Variants in RPL36A observed in about 807,000 individuals in gnomAD.
The protein encoded by RPL36A is large ribosomal subunit protein eL42.
For missense variants in RPL36A, 20 were observed against 81.0 expected, an observed-to-expected ratio of 0.25 and a Z score of 2.89; for synonymous variants, 25 against 28.5, an observed-to-expected ratio of 0.88 and a Z score of 0.39.
chrX:101,394,724 A>T (rs1246501210), intron 3 of RPL36A, among the ~76,000 whole-genome samples: 2 of 100,191 alleles, frequency 2.0e-5, no homozygotes, highest in African/African-American at 7.2e-5. Flanking sequence ...ATATATTTAT[A>T]TATTATATAT....
intron 1 of RPL36A, 149 bp from the exon 2 acceptor site, chrX:101,391,310 T>C (rs1244963998): frequency 4.2e-6 from 3 of 717,186 alleles, no homozygotes; most frequent in Non-Finnish European, 4.2e-6. Context: ...AAGCTCTGCT[T>C]GAAGCACATG....
intron 2 of RPL36A, 25 bp from the exon 3 acceptor site, chrX:101,391,730 A>G: frequency 8.3e-7 from 1 of 1,210,060 alleles, no homozygotes; most frequent in Non-Finnish European, 1.1e-6. Context: ...AGTATTTTAT[A>G]ACAAATACCA....
chrX:101,391,625 G>A (rs139329988), intron 2 of RPL36A, 61 bp downstream of exon 2: 3 of 1,192,126 alleles, frequency 2.5e-6, no homozygotes, highest in Admixed American at 2.2e-5. Context: ...AATAACATAC[G>A]AGTCCGGGTC....
In RPL36A at chrX:101,392,683, A is replaced by G. The variant is rs782554756; in HGVS notation, c.177+861A>G. The G allele has an allele frequency of 1.1e-5, 8 of 697,883 alleles. No individual in the cohort carries two copies. The East Asian group carries it at 7.8e-4, about 68-fold the overall frequency. 57.5% of individuals were successfully genotyped at this position (697,883 alleles called of 1,213,427 possible). On this transcript the variant is annotated intron_variant, in intron 3 of 4. Transcript: ENST00000553110. ...AAAAGTTGAGCTACCATATGATCCA[A>G]CAATCCCACTGCTGGGTATATACCC...
intron 3 of RPL36A, chrX:101,392,720 G>A: frequency 5.4e-6 from 3 of 559,377 alleles, no homozygotes; most frequent in Non-Finnish European, 6.5e-6. Context: ...GAAGAAAATC[G>A]GTATATCAAA....
chrX:101,393,884 A>T (rs1927918331), intron 3 of RPL36A: 2 of 112,084 alleles, frequency 1.8e-5, no homozygotes, highest in Admixed American at 9.5e-5. Context: ...AAAAGTATGG[A>T]CTTGAGTTAA....
In RPL36A at chrX:101,395,921, G is replaced by A; in HGVS notation, c.*173G>A. On this transcript the variant is annotated 3_prime_UTR_variant, in exon 5 of 5. Transcript: ENST00000553110. ...TTTTGCATTGAAGCTGACTGGTTGA[G>A]TTCACATCATATGTTGCAATTTTCT... The A allele has an allele frequency of 4.4e-6, 2 of 451,716 alleles. No individual in the cohort carries two copies. 37.2% of individuals were successfully genotyped at this position (451,716 alleles called of 1,213,427 possible).
rs1423732776 is a variant in RPL36A, at chrX:101,391,022, C to T, written c.-22C>T. Reference sequence around the variant, plus strand: ...TTGCCTCGCGGTTTCTTTCTTTCCGCGCCGATAGCGCTCACGCAAGCATGG... The same window carrying T: ...TTGCCTCGCGGTTTCTTTCTTTCCGTGCCGATAGCGCTCACGCAAGCATGG... On this transcript the variant is annotated 5_prime_UTR_variant, in exon 1 of 5. Coordinates refer to ENST00000553110, the MANE Select transcript of RPL36A (RefSeq NM_021029.6). 7.4e-6 allele frequency: 9 copies of T among 1,210,924 alleles called. No individual in the cohort carries two copies. The highest frequency in any genetic ancestry group is 4.6e-4 in the Middle Eastern group (2 of 4,375).
chrX:101,393,812 G>A (rs1276160810), intron 3 of RPL36A: 1 of 111,454 alleles, frequency 9.0e-6, no homozygotes, highest in African/African-American at 3.3e-5. Context: ...AATGTTAGGT[G>A]GTGTCCTGCG....
intron 2 of RPL36A, 85 bp from the exon 3 acceptor site, chrX:101,391,670 T>C: frequency 8.4e-7 from 1 of 1,197,601 alleles, no homozygotes. Context: ...GCGTTAATAT[T>C]TCTGCTGCGA....
At chrX:101,392,402 CA>C in intron 3 of RPL36A, 1 of 795,714 alleles carries the variant, frequency 1.3e-6, no homozygotes, top group South Asian at 5.2e-5. Context: ...TCCAACACAG[CA>C]TTTCTTTTGG....
rs1412108512 is a variant in RPL36A at position 101,391,019 on chromosome X, C to T, written c.-25C>T. The T allele has an allele frequency of 1.7e-5, 21 of 1,210,945 alleles. No homozygotes were observed. Among genetic ancestry groups the T allele is most frequent in the Non-Finnish European group, 2.2e-5 (20 of 895,463 alleles). Reference sequence around the variant, plus strand: ...CGTTTGCCTCGCGGTTTCTTTCTTTCCGCGCCGATAGCGCTCACGCAAGCA... The same window carrying T: ...CGTTTGCCTCGCGGTTTCTTTCTTTTCGCGCCGATAGCGCTCACGCAAGCA... On this transcript the variant is annotated 5_prime_UTR_variant, in exon 1 of 5. Transcript: ENST00000553110.
chrX:101,393,105 C>T (rs1927880301), intron 3 of RPL36A: 1 of 63,623 alleles, frequency 1.6e-5, no homozygotes, highest in Non-Finnish European at 3.0e-5. Flanking sequence ...CAGAGCAAGA[C>T]TCCATCTCAA....
At chrX:101,392,309 C>T (rs1431288787) in intron 3 of RPL36A, 5 of 863,009 alleles carry the variant, frequency 5.8e-6, no homozygotes, top group East Asian at 8.7e-5. Context: ...TCAGGCTGAG[C>T]GAGTTTCTGT....
intron 3 of RPL36A, chrX:101,392,377 G>T: frequency 1.2e-6 from 1 of 829,357 alleles, no homozygotes; most frequent in South Asian, 4.2e-5. Context: ...ACGATGATTG[G>T]AACGGAGCAT....
At chrX:101,392,675 A>G in intron 3 of RPL36A, 1 of 727,150 alleles carries the variant, frequency 1.4e-6, no homozygotes, top group Non-Finnish European at 1.6e-6. Context: ...GAGCTACCAT[A>G]TGATCCAACA....
At chrX:101,392,306 G>A in intron 3 of RPL36A, 5 of 867,956 alleles carry the variant, frequency 5.8e-6, no homozygotes, top group Non-Finnish European at 5.7e-6. Context: ...TTCTCAGGCT[G>A]AGCGAGTTTC....
Position 101,395,736 on chromosome X carries a change from G to A in RPL36A, c.309G>A (p.Val103=). The change falls in exon 5 of 5, where the codon GTG becomes GTA. Residue 103 remains valine (V), a synonymous_variant. Transcript: ENST00000553110. The stretch of plus-strand genomic sequence containing the variant: ...TTTCTGTTCTGTTACAGGGCCAAGT[G>A]ATCCAGTTCTAAGTGTCATCTTTTA... The part of the protein sequence containing the change: ...LGGDKKRKGQ[V]IQF 1.7e-6 allele frequency: 2 copies of A among 1,208,999 alleles called. No homozygotes were observed. The highest frequency in any genetic ancestry group is 2.2e-6 in the Non-Finnish European group (2 of 893,523).
At position 101,391,768 on chromosome X, in the gene RPL36A, T is replaced by C. The variant is rs781895008; in HGVS notation, c.123T>C (p.Tyr41=). The C allele has an allele frequency of 8.3e-7, 1 of 1,211,536 alleles. No homozygotes were observed. Among genetic ancestry groups the C allele is most frequent in the Non-Finnish European group, 1.1e-6 (1 of 895,521 alleles). The change falls in exon 3 of 5, where the codon TAT becomes TAC. Residue 41 remains tyrosine, a synonymous_variant. Transcript: ENST00000553110. ...DSLYAQGKRR[Y]DRKQSGYGGQ... ...TCGTTTTCCCAGGAAAGCGGCGTTA[T>C]GACAGGAAGCAGAGTGGCTATGGTG...
Sources: allele counts gnomAD v4.1 joint callset (sites outside exome capture counted in the v4.1 genomes callset), GRCh38; gene constraint gnomAD v4.1.1; transcripts MANE v1.5; gene names NCBI Gene and HGNC (gene_info 2026-07-23, HGNC 2026-07-21).